The following C19orf81 variants were observed in gnomAD, a reference collection of about 807,000 sequenced individuals.
The protein encoded by C19orf81 is chromosome 19 open reading frame 81.
C19orf81 carries 19 observed loss-of-function variants against 22.1 expected under a neutral mutation model. The observed-to-expected ratio is 0.86, with a 90% CI of 0.60 to 1.26. C19orf81 has a LOEUF of 1.26. Among genes scored for constraint, C19orf81 ranks in the 50% most tolerant of loss-of-function variants. The probability of loss-of-function intolerance (pLI) is 0.00; values close to 1 mark genes in which losing one functional copy is unlikely to be tolerated. For synonymous variants in C19orf81, 108 were observed against 113.1 expected, an observed-to-expected ratio of 0.95 and a Z score of 0.29; for missense variants, 287 against 280.7, an observed-to-expected ratio of 1.02 and a Z score of -0.16.
chr19:50,653,019 G>A (rs1984911411), intron 1 of C19orf81, among the ~76,000 whole-genome samples: 1 of 152,148 alleles, frequency 6.6e-6, no homozygotes, highest in Admixed American at 6.6e-5. Context: ...GGATGCAATG[G>A]AAAGTATTTT....
intron 1 of C19orf81, among the ~76,000 whole-genome samples, chr19:50,653,967 AG>A (rs905872839): frequency 1.3e-5 from 2 of 151,440 alleles, no homozygotes; most frequent in East Asian, 1.9e-4. Flanking sequence ...CTGAGCTGGG[AG>A]GGGGGGATTT....
chr19:50,658,114 T>C lies in C19orf81; in HGVS notation c.387T>C (p.Ala129=), dbSNP rs771781270. The change falls in exon 4 of 5, where the codon GCT becomes GCC. Residue 129 remains alanine, a synonymous_variant. Coordinates refer to ENST00000425202, the MANE Select transcript of C19orf81 (RefSeq NM_001195076.2). The part of the protein sequence containing the change: ...FENMNVICGT[A]GRRNRWLIAV... ...ACATGAACGTCATCTGTGGGACTGCTGGGCGCCGGAACCGGTGAGTAAGCG... is the reference window on the plus strand; with the variant it reads ...ACATGAACGTCATCTGTGGGACTGCCGGGCGCCGGAACCGGTGAGTAAGCG... 1.3e-6 allele frequency: 2 copies of C among 1,530,718 alleles called. No individual in the cohort carries two copies. Among genetic ancestry groups the C allele is most frequent in the African/African-American group, 1.4e-5 (1 of 72,662 alleles). The allele number at this position is 1,530,718 out of a possible 1,614,324, so 94.8% of individuals were successfully genotyped here.
intron 1 of C19orf81, among the ~76,000 whole-genome samples, chr19:50,652,349 C>A (rs925168567): frequency 2.0e-5 from 3 of 152,072 alleles, no homozygotes; most frequent in African/African-American, 7.2e-5. Flanking sequence ...AACACAAGTC[C>A]CTGCCCTTAC....
At chr19:50,652,378 G>A (rs980204930) in intron 1 of C19orf81, among the ~76,000 whole-genome samples, 3 of 152,110 alleles carry the variant, frequency 2.0e-5, no homozygotes, top group Non-Finnish European at 4.4e-5. Flanking sequence ...GAAGACGTAG[G>A]GAAGACAGAG....
intron 1 of C19orf81, among the ~76,000 whole-genome samples, chr19:50,652,806 G>T (rs925281415): frequency 6.6e-6 from 1 of 152,148 alleles, no homozygotes; most frequent in Non-Finnish European, 1.5e-5. Flanking sequence ...ACTGGAGAGC[G>T]AGAGGAGTTA....
At chr19:50,653,038 CTATTT>C (rs1391978207) in intron 1 of C19orf81, among the ~76,000 whole-genome samples, 5 of 152,154 alleles carry the variant, frequency 3.3e-5, no homozygotes, top group South Asian at 2.1e-4. Flanking sequence ...TTATTCTATT[CTATTT>C]TATTTTATTT....
rs1411058885 is a variant in C19orf81, at chr19:50,656,270, A to G, written c.185A>G (p.Asp62Gly). 4 of 1,536,130 alleles carry G rather than the reference A, an allele frequency of 2.6e-6. No individual in the cohort carries two copies. Among genetic ancestry groups the G allele is most frequent in the South Asian group, 2.4e-5 (2 of 84,056 alleles). Residue 62 changes from aspartate to glycine, a missense_variant, in exon 3 of 5, where the codon GAC (aspartate) becomes GGC (glycine). Transcript: ENST00000425202. Reference sequence around the variant, plus strand: ...GTCATTGCAGAGTACGAGGCACTGGACCGAGAACTCCCGTGCATCCGGAAG... The same window carrying G: ...GTCATTGCAGAGTACGAGGCACTGGGCCGAGAACTCCCGTGCATCCGGAAG... Reference protein sequence around the residue: ...RQVIAEYEALDRELPCIRKFP... With the variant: ...RQVIAEYEALGRELPCIRKFP...
intron 1 of C19orf81, among the ~76,000 whole-genome samples, chr19:50,650,774 G>A (rs1035595348): frequency 6.6e-6 from 1 of 152,216 alleles, no homozygotes; most frequent in African/African-American, 2.4e-5. Context: ...AGCCTTCGAG[G>A]CCGAACAAAT....
At chr19:50,649,590 G>C in intron 1 of C19orf81, 79 bp downstream of exon 1, 1 of 1,449,456 alleles carries the variant, frequency 6.9e-7, no homozygotes, top group Middle Eastern at 1.7e-4. Context: ...TCACAGTGTG[G>C]CCTTAAGCGA....
intron 1 of C19orf81, among the ~76,000 whole-genome samples, chr19:50,653,975 A>G (rs1984938051): frequency 6.7e-6 from 1 of 150,272 alleles, no homozygotes; most frequent in Admixed American, 6.6e-5. Context: ...GGAGGGGGGG[A>G]TTTTGGTCAT....
rs1985034504 is a variant in C19orf81 at position 50,658,016 on chromosome 19, G to A, written c.289G>A (p.Val97Met). The A allele has an allele frequency of 7.8e-6, 12 of 1,535,330 alleles. No homozygotes were observed. Among genetic ancestry groups the A allele is most frequent in the Non-Finnish European group, 1.0e-5 (12 of 1,146,614 alleles). The change falls in exon 4 of 5, where the codon GTG (valine) becomes ATG (methionine). Residue 97 changes from valine (V) to methionine (M), a missense_variant. Physicochemically the swap from Val to Met is conservative, Grantham distance 21. Coordinates refer to ENST00000425202, the MANE Select transcript of C19orf81 (RefSeq NM_001195076.2). ...CGAGGAGGATTTTACCCACCTGGAG[G>A]TGCTGCAAGCCCTGGAGGCCCAGTT... ...LPEEDFTHLE[V>M]LQALEAQLPG...
At chr19:50,656,388 G>A in intron 3 of C19orf81, 42 bp downstream of exon 3, 2 of 1,508,790 alleles carry the variant, frequency 1.3e-6, no homozygotes, top group East Asian at 2.5e-5. Context: ...AGTTTTGGTG[G>A]GGTGATGGGA....
chr19:50,649,833 G>A (rs759088827), intron 1 of C19orf81: 29 of 503,106 alleles, frequency 5.8e-5, no homozygotes, highest in South Asian at 4.3e-4. Flanking sequence ...CCTGAGCTCA[G>A]CATCTTCCCC....
intron 4 of C19orf81, among the ~76,000 whole-genome samples, 167 bp downstream of exon 4, chr19:50,658,295 G>T (rs1599830650): frequency 6.6e-6 from 1 of 151,252 alleles, no homozygotes; most frequent in Non-Finnish European, 1.5e-5. Context: ...TGGTGTAAGG[G>T]TGCTGAGGGG....
In C19orf81 at chr19:50,658,085, G is replaced by A. The variant is rs753884072; in HGVS notation, c.358G>A (p.Glu120Lys). 1.3e-6 allele frequency: 2 copies of A among 1,535,954 alleles called. No homozygotes were observed. Among genetic ancestry groups the A allele is most frequent in the East Asian group, 4.9e-5 (2 of 40,902 alleles). The change falls in exon 4 of 5, where the codon GAG becomes AAG. Residue 120 changes from glutamate (E) to lysine (K), a missense_variant. Physicochemically the swap from Glu to Lys is moderately conservative, Grantham distance 56. Coordinates refer to ENST00000425202, the MANE Select transcript of C19orf81 (RefSeq NM_001195076.2). ...ESGRVSSIRF[E>K]NMNVICGTAG... Reference sequence around the variant, plus strand: ...CGGGCGCGTGAGCAGCATCCGCTTTGAGAACATGAACGTCATCTGTGGGAC... The same window carrying A: ...CGGGCGCGTGAGCAGCATCCGCTTTAAGAACATGAACGTCATCTGTGGGAC...
Position 50,658,113 on chromosome 19 carries a change from C to T in C19orf81, c.386C>T (p.Ala129Val), listed in dbSNP as rs1159657338. ...AACATGAACGTCATCTGTGGGACTG[C>T]TGGGCGCCGGAACCGGTGAGTAAGC... ...FENMNVICGTAGRRNRWLIAV... is the reference protein window; with the variant it reads ...FENMNVICGTVGRRNRWLIAV... The change falls in exon 4 of 5, where the codon GCT becomes GTT. Residue 129 changes from alanine to valine, a missense_variant. Physicochemically the swap from Ala to Val is moderately conservative, Grantham distance 64. Coordinates refer to ENST00000425202, the MANE Select transcript of C19orf81 (RefSeq NM_001195076.2). The T allele has an allele frequency of 2.0e-6, 3 of 1,534,152 alleles. No individual in the cohort carries two copies. In the African/African-American group the frequency reaches 4.1e-5, roughly 21 times the overall value.
rs536408134 is a variant in C19orf81 at position 50,650,776 on chromosome 19, C to T, written c.67+1265C>T. 1.6e-4 allele frequency among the ~76,000 whole-genome samples: 25 copies of T among 152,338 alleles called. No homozygotes were observed. The South Asian group carries it at 4.1e-3, about 25-fold the overall frequency. ...ATCCTCCCACCTCAGCCTTCGAGGCCGAACAAATGCCCTGATGGCAAAACA... is the reference window on the plus strand; with the variant it reads ...ATCCTCCCACCTCAGCCTTCGAGGCTGAACAAATGCCCTGATGGCAAAACA... On this transcript the variant is annotated intron_variant, in intron 1 of 4. Transcript: ENST00000425202.
At chr19:50,651,369 G>A (rs745653656) in intron 1 of C19orf81, among the ~76,000 whole-genome samples, 2 of 151,910 alleles carry the variant, frequency 1.3e-5, no homozygotes, top group Non-Finnish European at 2.9e-5. Context: ...TATTCTTTAG[G>A]TCTCACTGTG....
chr19:50,655,438 C>A (rs1984973008), intron 1 of C19orf81, among the ~76,000 whole-genome samples: 1 of 152,120 alleles, frequency 6.6e-6, no homozygotes, highest in Non-Finnish European at 1.5e-5. Context: ...ATCACAAGGT[C>A]ATGAGATTGA....
Sources: gnomAD v4.1 joint callset for allele counts (sites outside exome capture counted in the v4.1 genomes callset) on GRCh38, gnomAD v4.1.1 for gene constraint, MANE v1.5 for transcripts, NCBI Gene and HGNC (gene_info 2026-07-23, HGNC 2026-07-21) for gene names.